TMEM182: variants seen among roughly 807,000 people sequenced by gnomAD.
TMEM182 encodes the protein transmembrane protein 182.
In TMEM182, 20 loss-of-function variants were observed where a neutral mutation model predicts 26.8. The ratio of observed to expected loss-of-function variants is 0.75; its 90% confidence interval spans 0.53 to 1.09. TMEM182 has a LOEUF of 1.09. Among genes scored for constraint, TMEM182 ranks in the 50% least tolerant of loss-of-function variants. The probability of loss-of-function intolerance (pLI) is 0.00; values close to 1 mark genes in which losing one functional copy is unlikely to be tolerated. For missense variants in TMEM182, 277 were observed against 275.5 expected (o/e 1.01, Z -0.04); for synonymous variants, 109 against 102.2 (o/e 1.07, Z -0.40).
At position 102,816,763 on chromosome 2, in the gene TMEM182, T is replaced by C. The variant is rs567731751; in HGVS notation, c.*1795T>C. 225 of 985,800 alleles carry C rather than the reference T, an allele frequency of 2.3e-4. 1 individual carries two copies. The African/African-American group carries it at 3.8e-3, about 17-fold the overall frequency. 61.1% of individuals were successfully genotyped at this position (985,800 alleles called of 1,614,324 possible). On this transcript the variant is annotated 3_prime_UTR_variant, in exon 5 of 5. Coordinates refer to ENST00000412401, the MANE Select transcript of TMEM182 (RefSeq NM_144632.5). ...GCATGCCATTAAGTTTTCCAGACGA[T>C]GTTGGATGTATCTGATTAGTTCATG...
intron 3 of TMEM182, among the ~76,000 whole-genome samples, chr2:102,765,533 G>A (rs751694102): frequency 6.6e-6 from 1 of 152,120 alleles, no homozygotes; most frequent in Non-Finnish European, 1.5e-5. Flanking sequence ...CAACAACTTG[G>A]CACCATAATC....
At chr2:102,749,410 T>A (rs1239799540) in intron 1 of TMEM182, among the ~76,000 whole-genome samples, 1 of 152,134 alleles carries the variant, frequency 6.6e-6, no homozygotes, top group Non-Finnish European at 1.5e-5. Flanking sequence ...GCTAGATTAG[T>A]GGTTGCCCGG....
chr2:102,737,017 A>G lies in TMEM182; in HGVS notation c.-83+4A>G, dbSNP rs182787139. 1.2e-5 allele frequency: 7 copies of G among 564,818 alleles called. No homozygotes were observed. In the East Asian group the frequency reaches 2.2e-4, roughly 18 times the overall value. 35.0% of individuals were successfully genotyped at this position (564,818 alleles called of 1,614,324 possible). On this transcript the variant is annotated splice_donor_region_variant and intron_variant, in intron 1 of 5. Transcript: ENST00000409173. ...GACTGGGCACATCATCAATACGGTA[A>G]GCACACACCAGTTTGTGATGATAAT...
At chr2:102,764,300 A>G in intron 2 of TMEM182, 29 bp from the exon 3 acceptor site, 2 of 1,605,840 alleles carry the variant, frequency 1.2e-6, no homozygotes, top group Non-Finnish European at 1.7e-6. Context: ...TTTCAATAAC[A>G]AGTGCCATTG....
At chr2:102,785,401 C>T (rs1681347115) in intron 3 of TMEM182, among the ~76,000 whole-genome samples, 1 of 152,224 alleles carries the variant, frequency 6.6e-6, no homozygotes, top group South Asian at 2.1e-4. Context: ...TCTTTCCTTG[C>T]ACTTGGCATA....
At chr2:102,822,360 A>C (rs1682938828), downstream of TMEM182, among the ~76,000 whole-genome samples, 1 of 152,158 alleles carries the variant, frequency 6.6e-6, no homozygotes, top group South Asian at 2.1e-4. Flanking sequence ...ATTAATGGGA[A>C]GTGTGATATC....
At chr2:102,736,988 T>C (rs1212651656) in exon 1 of TMEM182, 2 of 647,652 alleles carry the variant, frequency 3.1e-6, no homozygotes, top group Non-Finnish European at 5.1e-6. Context: ...TCAGGCAAGG[T>C]GGGGACTGGG....
At chr2:102,755,517 C>T (rs1186393706) in intron 1 of TMEM182, among the ~76,000 whole-genome samples, 1 of 152,206 alleles carries the variant, frequency 6.6e-6, no homozygotes, top group Non-Finnish European at 1.5e-5. Context: ...CCAGAGAGCA[C>T]ATTCTAGTCA....
At chr2:102,843,534 T>A (rs1030461328) in exon 4 of TMEM182, 1 of 152,246 alleles carries the variant, frequency 6.6e-6, no homozygotes, top group Non-Finnish European at 1.5e-5. Context: ...ACTGCTGGGA[T>A]GGACCAGTCA....
At chr2:102,832,973 AG>A (rs1683179568) in intron 3 of TMEM182, among the ~76,000 whole-genome samples, 1 of 152,160 alleles carries the variant, frequency 6.6e-6, no homozygotes, top group South Asian at 2.1e-4. Context: ...AATGTCTGTG[AG>A]TCTTTGAAAT....
At chr2:102,770,054 A>G (rs1474394411) in intron 3 of TMEM182, among the ~76,000 whole-genome samples, 1 of 152,228 alleles carries the variant, frequency 6.6e-6, no homozygotes, top group Non-Finnish European at 1.5e-5. Flanking sequence ...TTTGATTTCA[A>G]ATATAATCTT....
intron 3 of TMEM182, among the ~76,000 whole-genome samples, chr2:102,765,926 T>C (rs1240596112): frequency 6.6e-6 from 1 of 152,194 alleles, no homozygotes; most frequent in Admixed American, 6.5e-5. Context: ...CAAGCCTACC[T>C]GTCACTAGTA....
intron 3 of TMEM182, among the ~76,000 whole-genome samples, chr2:102,785,688 A>G (rs1681359963): frequency 6.6e-6 from 1 of 152,234 alleles, no homozygotes; most frequent in South Asian, 2.1e-4. Context: ...CTTTTCTGAT[A>G]CAGAAATCGT....
At chr2:102,826,540 G>A (rs2104771599) in intron 3 of TMEM182, among the ~76,000 whole-genome samples, 1 of 152,172 alleles carries the variant, frequency 6.6e-6, no homozygotes. Context: ...AAAAGTATCT[G>A]ACACAAAATA....
chr2:102,803,860 G>A (rs547753308), intron 4 of TMEM182, among the ~76,000 whole-genome samples: 29 of 152,096 alleles, frequency 1.9e-4, no homozygotes, highest in African/African-American at 6.5e-4. Context: ...GCAGGCACAC[G>A]CAGCCCTGCC....
At chr2:102,759,763 G>T (rs1157517509), upstream of TMEM182, among the ~76,000 whole-genome samples, 1 of 152,108 alleles carries the variant, frequency 6.6e-6, no homozygotes, top group African/African-American at 2.4e-5. Flanking sequence ...CTTCCTGAAG[G>T]CTCAAGGGGA....
At chr2:102,754,037 C>T (rs947644437) in intron 1 of TMEM182, among the ~76,000 whole-genome samples, 3 of 152,082 alleles carry the variant, frequency 2.0e-5, no homozygotes, top group Non-Finnish European at 4.4e-5. Context: ...AACTGTAATA[C>T]AAAACTAATA....
chr2:102,817,469 G>T lies in TMEM182; in HGVS notation c.*2501G>T. 3.0e-6 allele frequency: 3 copies of T among 985,348 alleles called. No homozygotes were observed. Among genetic ancestry groups the T allele is most frequent in the Non-Finnish European group, 2.4e-6 (2 of 829,896 alleles). 61.0% of individuals were successfully genotyped at this position (985,348 alleles called of 1,614,324 possible). On this transcript the variant is annotated 3_prime_UTR_variant, in exon 5 of 5. Transcript: ENST00000412401. ...TCAGCTGGTTTAATTCACTCAGGTG[G>T]ATGATTGCACATACATTGGAATTGG...
intron 3 of TMEM182, among the ~76,000 whole-genome samples, chr2:102,795,552 CT>C (rs1438928418): frequency 1.3e-5 from 2 of 152,168 alleles, no homozygotes; most frequent in African/African-American, 4.8e-5. Context: ...GCTGTTTGTG[CT>C]GTGCACCCTG....
Sources: gnomAD v4.1 joint callset for allele counts (sites outside exome capture counted in the v4.1 genomes callset) on GRCh38, gnomAD v4.1.1 for gene constraint, MANE v1.5 for transcripts, NCBI Gene and HGNC (gene_info 2026-07-23, HGNC 2026-07-21) for gene names.